Variants in MACF1 observed in about 807,000 individuals in gnomAD.
MACF1 encodes microtubule actin crosslinking factor 1.
In MACF1, 193 loss-of-function variants were observed where a neutral mutation model predicts 854.8. The observed-to-expected ratio is 0.23, with a 90% CI of 0.20 to 0.25. The LOEUF is 0.25. Among genes scored for constraint, MACF1 ranks in the 10% least tolerant of loss-of-function variants. The pLI is 1.00. For missense variants in MACF1, 7,722 were observed against 8,929.1 expected (o/e 0.86, Z 5.45); for synonymous variants, 3,185 against 3,226.7 (o/e 0.99, Z 0.44).
intron 58 of MACF1, among the ~76,000 whole-genome samples, chr1:39,397,012 A>C (rs1225586468): frequency 2.0e-5 from 3 of 152,184 alleles, no homozygotes; most frequent in Non-Finnish European, 4.4e-5. Flanking sequence ...TTCTACCACC[A>C]GTCATGTCAT....
chr1:39,318,365 G>C, intron 29 of MACF1, 88 bp from the exon 30 acceptor site: 3 of 1,219,046 alleles, frequency 2.5e-6, no homozygotes, highest in Non-Finnish European at 3.5e-6. Flanking sequence ...AGCCCAGCTG[G>C]ATACATGGGT....
At chr1:39,277,758 A>G (rs770052449) in intron 6 of MACF1, among the ~76,000 whole-genome samples, 4 of 152,190 alleles carry the variant, frequency 2.6e-5, no homozygotes, top group Non-Finnish European at 5.9e-5. Context: ...ATCTCTTTGT[A>G]TAGTAAATTG....
intron 64 of MACF1, among the ~76,000 whole-genome samples, 168 bp downstream of exon 64, chr1:39,429,494 T>C (rs113983654): frequency 4.5e-4 from 68 of 152,324 alleles, no homozygotes; most frequent in African/African-American, 1.4e-3. Context: ...CTGCTAAATC[T>C]TTTGAAAACT....
rs1234798084 is a variant in MACF1, at chr1:39,444,765, A to C, written c.19535A>C (p.Lys6512Thr). The stretch of plus-strand genomic sequence containing the variant: ...CGTGACGACTCTGGGTCTGGCTCCA[A>C]GACAGAACAGAGTGTAGCACTTTTG... ...LSRDDSGSGS[K>T]TEQSVALLEQ... is the part of the protein sequence containing the mutation. Residue 6512 changes from lysine to threonine, a missense_variant, in exon 80 of 101, where the codon AAG (lysine) becomes ACG (threonine). This residue lies in a region of MACF1 where 729 missense variants were observed against 900.5 expected (regional missense o/e 0.81). Coordinates refer to ENST00000564288, the MANE Select transcript of MACF1 (RefSeq NM_001394062.1). The C allele has an allele frequency of 6.2e-7, 1 of 1,614,142 alleles. No homozygotes were observed. The highest frequency in any genetic ancestry group is 2.2e-5 in the East Asian group (1 of 44,886).
intron 61 of MACF1, among the ~76,000 whole-genome samples, chr1:39,427,249 C>T (rs368807125): frequency 6.6e-6 from 1 of 152,064 alleles, no homozygotes. Context: ...ATTATTCTGT[C>T]CACCTTACAA....
intron 66 of MACF1, among the ~76,000 whole-genome samples, chr1:39,431,237 A>G (rs982849840): frequency 2.0e-5 from 3 of 152,208 alleles, no homozygotes; most frequent in Non-Finnish European, 4.4e-5. Flanking sequence ...ATGCACCACA[A>G]TCTTAGTTTG....
chr1:39,463,674 G>T lies in MACF1; in HGVS notation c.21741G>T (p.Glu7247Asp). The T allele has an allele frequency of 6.2e-7, 1 of 1,612,988 alleles. No homozygotes were observed. The highest frequency in any genetic ancestry group is 8.5e-7 in the Non-Finnish European group (1 of 1,179,220). ...GGTTTCAGGTGGAGCAGATCGGAGA[G>T]AATAAATACCGGGTAAGGAAGAGAA... ...AKRFQVEQIG[E>D]NKYRFFLGNQ... The change falls in exon 94 of 101, where the codon GAG becomes GAT. Residue 7247 changes from glutamate to aspartate, a missense_variant. Transcript: ENST00000564288.
chr1:39,453,063 G>A (rs1644367836), intron 87 of MACF1, among the ~76,000 whole-genome samples: 1 of 152,078 alleles, frequency 6.6e-6, no homozygotes, highest in Non-Finnish European at 1.5e-5. Flanking sequence ...TTTTAAACAT[G>A]GTATTAAGAA....
intron 2 of MACF1, among the ~76,000 whole-genome samples, chr1:39,089,026 G>T (rs997469711): frequency 3.9e-5 from 6 of 152,178 alleles, no homozygotes; most frequent in Non-Finnish European, 8.8e-5. Context: ...GATATTCAAA[G>T]ATGACTGAAG....
chr1:39,394,803 T>C (rs1642207681), intron 58 of MACF1, among the ~76,000 whole-genome samples: 1 of 152,154 alleles, frequency 6.6e-6, no homozygotes, highest in Non-Finnish European at 1.5e-5. Context: ...GTTAGCGTTA[T>C]CTACCTGCCC....
chr1:39,147,974 T>G (rs564823690), intron 2 of MACF1, among the ~76,000 whole-genome samples: 3 of 152,288 alleles, frequency 2.0e-5, no homozygotes, highest in South Asian at 4.1e-4. Context: ...CCTTGAATGA[T>G]CTTTTTACTT....
chr1:39,358,176 C>G (rs1190483483), intron 45 of MACF1, among the ~76,000 whole-genome samples: 1 of 152,184 alleles, frequency 6.6e-6, no homozygotes, highest in East Asian at 1.9e-4. Context: ...GTATCCTGAC[C>G]AGCAGACTTG....
At chr1:39,234,504 C>T (rs113954314) in intron 2 of MACF1, among the ~76,000 whole-genome samples, 52,486 of 105,096 alleles carry the variant, frequency 0.5, 16,591 homozygotes, top group South Asian at 0.61. Flanking sequence ...CGGGCAGAGG[C>T]GCCCCTCACC....
At chr1:39,251,682 A>G (rs1326224124) in intron 3 of MACF1, among the ~76,000 whole-genome samples, 164 bp from the exon 4 acceptor site, 1 of 152,250 alleles carries the variant, frequency 6.6e-6, no homozygotes, top group East Asian at 1.9e-4. Context: ...CAATGTAACC[A>G]TCTGCTCTGG....
chr1:39,346,592 T>C (rs1647053379), intron 40 of MACF1, among the ~76,000 whole-genome samples: 1 of 150,072 alleles, frequency 6.7e-6, no homozygotes, highest in South Asian at 2.2e-4. Context: ...CAGTCTCGGC[T>C]CACCGCAACC....
chr1:39,230,607 A>G (rs1317282283), intron 1 of MACF1, among the ~76,000 whole-genome samples: 2 of 152,016 alleles, frequency 1.3e-5, no homozygotes, highest in Non-Finnish European at 2.9e-5. Flanking sequence ...ACCTGGAGAA[A>G]AAAGGAGTTT....
chr1:39,480,056 A>G, intron 98 of MACF1, 47 bp downstream of exon 98: 15 of 1,199,162 alleles, frequency 1.3e-5, no homozygotes, highest in Non-Finnish European at 1.2e-5. Context: ...TCCCACCCTC[A>G]CAGATGTTCA....
chr1:39,415,732 G>A (rs1413482740), intron 58 of MACF1, among the ~76,000 whole-genome samples: 1 of 152,110 alleles, frequency 6.6e-6, no homozygotes, highest in Non-Finnish European at 1.5e-5. Flanking sequence ...CCACATCCTT[G>A]AGCACTCCTA....
chr1:39,134,383 A>C (rs779043768), intron 2 of MACF1, among the ~76,000 whole-genome samples: 13 of 152,132 alleles, frequency 8.5e-5, no homozygotes, highest in Non-Finnish European at 1.5e-4. Flanking sequence ...GGAATCAGGG[A>C]GCATGCCTCT....
Sources: allele counts gnomAD v4.1 joint callset (sites outside exome capture counted in the v4.1 genomes callset), GRCh38; gene constraint gnomAD v4.1.1; regional missense constraint gnomAD v4.1.1; transcripts MANE v1.5; gene names NCBI Gene and HGNC (gene_info 2026-07-23, HGNC 2026-07-21).